KCND3: variants seen among roughly 807,000 people sequenced by gnomAD.
KCND3 encodes potassium voltage-gated channel subfamily D member 3, also known as A-type voltage-gated potassium channel KCND3.
Under a neutral mutation model 51.1 loss-of-function variants are expected in KCND3, and 9 were observed. The ratio of observed to expected loss-of-function variants is 0.18; its 90% CI spans 0.11 to 0.31. The LOEUF (loss-of-function observed/expected upper bound fraction) is 0.31, where lower values mean the gene tolerates loss of function less well. Ranked by LOEUF, KCND3 falls within the 10% of genes least tolerant of loss-of-function variation. The pLI is 1.00. For synonymous variants in KCND3, 349 were observed against 368.0 expected, an observed-to-expected ratio of 0.95 and a Z score of 0.59; for missense variants, 526 against 903.8, an observed-to-expected ratio of 0.58 and a Z score of 5.36.
At chr1:111,923,760 G>C (rs1301456919) in intron 2 of KCND3, among the ~76,000 whole-genome samples, 3 of 152,196 alleles carry the variant, frequency 2.0e-5, no homozygotes, top group Non-Finnish European at 2.9e-5. Context: ...CTCAGCAGAG[G>C]TGCAGCGCAG....
chr1:111,855,884 A>G lies in KCND3; in HGVS notation c.1107-68778T>C, dbSNP rs184241405. Among the ~76,000 whole-genome samples, 6 of 152,270 alleles carry G rather than the reference A, an allele frequency of 3.9e-5. No homozygotes were observed. In the East Asian group the frequency reaches 1.2e-3, roughly 29 times the overall value. ...TGGATGAGGGGAGGGAGTGGGACCA[A>G]AGCCTAGGAGAAGAGAATCATAGAA... On this transcript the variant is annotated intron_variant, in intron 2 of 7. Transcript: ENST00000302127.
intron 2 of KCND3, among the ~76,000 whole-genome samples, chr1:111,967,002 T>C (rs1674027243): frequency 6.6e-6 from 1 of 151,792 alleles, no homozygotes; most frequent in South Asian, 2.1e-4. Flanking sequence ...AATTTAGCCA[T>C]GGTAGCGCAT....
chr1:111,965,979 C>A (rs1673963940), intron 2 of KCND3, among the ~76,000 whole-genome samples: 1 of 152,138 alleles, frequency 6.6e-6, no homozygotes, highest in African/African-American at 2.4e-5. Context: ...CCAATGCAAG[C>A]AGGGCTTGTT....
At position 111,889,200 on chromosome 1, in the gene KCND3, A is replaced by C. The variant is rs189116962; in HGVS notation, c.1106+92421T>G. On this transcript the variant is annotated intron_variant, in intron 2 of 7. Transcript: ENST00000302127. ...ACCACAGACATAACCACCATAAGTG[A>C]ACAGAGGCCTGCCCCAAAAATTCAG... Among the ~76,000 whole-genome samples, 242 of 152,340 alleles carry C rather than the reference A, an allele frequency of 1.6e-3. 1 individual carries two copies. Among genetic ancestry groups the C allele is most frequent in the African/African-American group, 5.7e-3 (236 of 41,572 alleles).
chr1:111,910,789 G>A (rs1281143872), intron 2 of KCND3: 4 of 152,192 alleles, frequency 2.6e-5, no homozygotes, highest in South Asian at 2.1e-4. Context: ...CCTGTAGAAC[G>A]AAGACCAGAA....
At chr1:111,793,139 G>A (rs1419078924) in intron 2 of KCND3, among the ~76,000 whole-genome samples, 3 of 150,546 alleles carry the variant, frequency 2.0e-5, no homozygotes, top group Admixed American at 1.3e-4. Context: ...CACTGGGATT[G>A]CAGGTGTGAG....
At chr1:111,874,751 C>T (rs941105810) in intron 2 of KCND3, among the ~76,000 whole-genome samples, 25 of 152,298 alleles carry the variant, frequency 1.6e-4, no homozygotes, top group Admixed American at 3.3e-4. Context: ...ATGACACACA[C>T]GCCTTTTCTT....
chr1:111,930,830 C>T (rs1671934558), intron 2 of KCND3, among the ~76,000 whole-genome samples: 9 of 152,204 alleles, frequency 5.9e-5, no homozygotes, highest in Admixed American at 5.9e-4. Context: ...TTAACCGTGA[C>T]ATGCTGGAAA....
At chr1:111,940,907 T>C (rs369161208) in intron 2 of KCND3, among the ~76,000 whole-genome samples, 85 of 152,300 alleles carry the variant, frequency 5.6e-4, no homozygotes, top group African/African-American at 2.0e-3. Context: ...TGAACACTTG[T>C]GGTAACTGAA....
intron 2 of KCND3, among the ~76,000 whole-genome samples, chr1:111,850,026 T>C (rs1172259694): frequency 6.6e-6 from 1 of 152,152 alleles, no homozygotes; most frequent in East Asian, 1.9e-4. Context: ...GCCTACCTTC[T>C]TGCCTAGGTA....
At chr1:111,896,185 G>C (rs1340301932) in intron 2 of KCND3, among the ~76,000 whole-genome samples, 1 of 152,096 alleles carries the variant, frequency 6.6e-6, no homozygotes, top group African/African-American at 2.4e-5. Context: ...CGGTGAATAC[G>C]CGTCAGAGCA....
intron 2 of KCND3, among the ~76,000 whole-genome samples, chr1:111,792,151 G>A (rs192046419): frequency 4.4e-4 from 67 of 152,356 alleles, no homozygotes; most frequent in African/African-American, 1.5e-3. Context: ...AAGGAATGGG[G>A]ACGTTTGGCC....
rs188347338 is a variant in KCND3, at chr1:111,905,832, C to G, written c.1106+75789G>C. Among the ~76,000 whole-genome samples the G allele has an allele frequency of 1.1e-4, 17 of 152,204 alleles. No individual in the cohort carries two copies. The East Asian group carries it at 3.3e-3, about 30-fold the overall frequency. On this transcript the variant is annotated intron_variant, in intron 2 of 7. Transcript: ENST00000302127. ...CAAGTAGAATCCTTCATGCTGGGGC[C>G]TGGGGACGCCTGACCTTAGAAAGCT...
At chr1:111,960,129 A>C (rs909711465) in intron 2 of KCND3, among the ~76,000 whole-genome samples, 3 of 152,124 alleles carry the variant, frequency 2.0e-5, no homozygotes, top group Non-Finnish European at 4.4e-5. Context: ...TGAGTCAATT[A>C]AACCTCTTTT....
At chr1:111,877,407 G>A (rs1669099802) in intron 2 of KCND3, among the ~76,000 whole-genome samples, 1 of 152,236 alleles carries the variant, frequency 6.6e-6, no homozygotes, top group Non-Finnish European at 1.5e-5. Context: ...AGGTGGCAGG[G>A]GGTGCCCTGG....
At chr1:111,849,375 G>A (rs1313330602) in intron 2 of KCND3, among the ~76,000 whole-genome samples, 1 of 152,234 alleles carries the variant, frequency 6.6e-6, no homozygotes, top group African/African-American at 2.4e-5. Context: ...CAGGGGATCT[G>A]GCTCAGGGTC....
In KCND3 at chr1:111,965,067, C is replaced by G. The variant is rs773416801; in HGVS notation, c.1106+16554G>C. Reference sequence around the variant, plus strand: ...CAGTCAAAAGCTTTGCTGCACCCCCCCAAACTGCCCCCAAACACTCATTTT... The same window carrying G: ...CAGTCAAAAGCTTTGCTGCACCCCCGCAAACTGCCCCCAAACACTCATTTT... On this transcript the variant is annotated intron_variant, in intron 2 of 7. Coordinates refer to ENST00000302127, the MANE Select transcript of KCND3 (RefSeq NM_001378969.1). Among the ~76,000 whole-genome samples the G allele has an allele frequency of 4.5e-4, 68 of 151,478 alleles. 1 individual carries two copies. Among genetic ancestry groups the G allele is most frequent in the Non-Finnish European group, 7.4e-5 (5 of 67,894 alleles).
intron 2 of KCND3, among the ~76,000 whole-genome samples, chr1:111,846,226 CCTAA>C (rs1301559382): frequency 6.6e-6 from 1 of 152,154 alleles, no homozygotes; most frequent in Non-Finnish European, 1.5e-5. Flanking sequence ...ATATGGCCAC[CCTAA>C]CTATCATCCA....
chr1:111,844,401 A>G (rs1667459169), intron 2 of KCND3, among the ~76,000 whole-genome samples: 1 of 152,134 alleles, frequency 6.6e-6, no homozygotes, highest in African/African-American at 2.4e-5. Flanking sequence ...AAGAAGGTAC[A>G]CACGTCTATC....
Sources: allele counts gnomAD v4.1 joint callset (sites outside exome capture counted in the v4.1 genomes callset), GRCh38; gene constraint gnomAD v4.1.1; transcripts MANE v1.5; gene names NCBI Gene and HGNC (gene_info 2026-07-23, HGNC 2026-07-21).